GOLPH3: variants seen among roughly 807,000 people sequenced by gnomAD.
The protein encoded by GOLPH3 is golgi phosphoprotein 3.
In GOLPH3, 14 loss-of-function variants were observed where a neutral mutation model predicts 28.5. The observed-to-expected ratio is 0.49, with a 90% CI of 0.32 to 0.77. The LOEUF (loss-of-function observed/expected upper bound fraction) is 0.77. GOLPH3 is among the 30% of genes least tolerant of loss of function. GOLPH3 has a pLI of 0.03. For missense variants in GOLPH3, 350 were observed against 393.7 expected (o/e 0.89, Z 0.94); for synonymous variants, 158 against 159.2 (o/e 0.99, Z 0.06).
chr5:32,167,176 T>A (rs1746734019), intron 1 of GOLPH3, among the ~76,000 whole-genome samples: 1 of 152,200 alleles, frequency 6.6e-6, no homozygotes, highest in Admixed American at 6.5e-5. Flanking sequence ...TCTTTTGTTT[T>A]GTTTTGTCTT....
At position 32,143,818 on chromosome 5, in the gene GOLPH3, T is replaced by C. The variant is rs1410940094; in HGVS notation, c.288A>G (p.Glu96=). ...SSGLRGCMLI[E]LALRGRLQLE... is the part of the protein sequence containing the mutation. ...GTTGTAACCTTCCTCTCAATGCTAA[T>C]TCAATTAACATACAGCCACGTAATC... The change falls in exon 2 of 4, where the codon GAA becomes GAG. Residue 96 remains glutamate (E), a synonymous_variant. Transcript: ENST00000265070. The C allele has an allele frequency of 3.1e-6, 5 of 1,603,770 alleles. 1 individual carries two copies. Among genetic ancestry groups the C allele is most frequent in the Non-Finnish European group, 4.3e-6 (5 of 1,175,716 alleles).
At chr5:32,135,182 T>C (rs1327585291) in intron 3 of GOLPH3, among the ~76,000 whole-genome samples, 2 of 152,240 alleles carry the variant, frequency 1.3e-5, no homozygotes, top group East Asian at 1.9e-4. Flanking sequence ...TCCATCTGCC[T>C]GGCTGCCAGA....
At chr5:32,142,781 G>C (rs1407935244) in intron 2 of GOLPH3, among the ~76,000 whole-genome samples, 3 of 149,136 alleles carry the variant, frequency 2.0e-5, no homozygotes, top group African/African-American at 7.5e-5. Context: ...ACTGGGAAGT[G>C]AGGAGCCCCT....
chr5:32,167,369 A>T (rs1431205713), intron 1 of GOLPH3, among the ~76,000 whole-genome samples: 3 of 152,062 alleles, frequency 2.0e-5, no homozygotes. Context: ...ACAGGGGTTC[A>T]CCATGTTGGC....
At chr5:32,154,078 A>G (rs1463951052) in intron 1 of GOLPH3, among the ~76,000 whole-genome samples, 1 of 152,244 alleles carries the variant, frequency 6.6e-6, no homozygotes, top group Non-Finnish European at 1.5e-5. Flanking sequence ...GCTAAAAGTG[A>G]GACAATTTAA....
chr5:32,151,374 A>G (rs1746302948), intron 1 of GOLPH3, among the ~76,000 whole-genome samples: 1 of 152,322 alleles, frequency 6.6e-6, no homozygotes, highest in Non-Finnish European at 1.5e-5. Context: ...AAATGTTTTA[A>G]AATTAGCTGG....
intron 2 of GOLPH3, among the ~76,000 whole-genome samples, chr5:32,138,592 A>T (rs1026285143): frequency 6.6e-6 from 1 of 152,216 alleles, no homozygotes; most frequent in African/African-American, 2.4e-5. Flanking sequence ...ATTAATTTTA[A>T]TATTTTGATT....
chr5:32,128,380 A>C (rs1206186314), intron 3 of GOLPH3, among the ~76,000 whole-genome samples: 2 of 152,220 alleles, frequency 1.3e-5, no homozygotes, highest in Non-Finnish European at 2.9e-5. Flanking sequence ...AAAAGCGGCC[A>C]GGCGCGGTGG....
chr5:32,170,278 C>T (rs1746802661), intron 1 of GOLPH3, among the ~76,000 whole-genome samples: 1 of 152,078 alleles, frequency 6.6e-6, no homozygotes. Context: ...AGTGGTTACC[C>T]CTGAGGAATG....
intron 3 of GOLPH3, among the ~76,000 whole-genome samples, chr5:32,127,014 TA>T (rs375663468): frequency 1.2e-4 from 17 of 147,290 alleles, no homozygotes; most frequent in Admixed American, 6.8e-5. Flanking sequence ...ACTAATAGAC[TA>T]AAAAAAAAAG....
chr5:32,139,156 C>T (rs1350654189), intron 2 of GOLPH3, among the ~76,000 whole-genome samples: 1 of 152,128 alleles, frequency 6.6e-6, no homozygotes, highest in Non-Finnish European at 1.5e-5. Flanking sequence ...GTCGGCCTTC[C>T]ATATCTATAG....
chr5:32,136,483 A>G (rs995702892), intron 2 of GOLPH3, among the ~76,000 whole-genome samples: 41 of 146,340 alleles, frequency 2.8e-4, no homozygotes, highest in African/African-American at 8.7e-4. Context: ...CTCCGACTTA[A>G]AAAAAAAAAA....
intron 1 of GOLPH3, among the ~76,000 whole-genome samples, chr5:32,148,397 T>C (rs987086308): frequency 6.6e-6 from 1 of 152,266 alleles, no homozygotes; most frequent in African/African-American, 2.4e-5. Flanking sequence ...AGTTTCATTT[T>C]GTTTTTATGT....
At chr5:32,132,672 T>A (rs1458556638) in intron 3 of GOLPH3, among the ~76,000 whole-genome samples, 1 of 152,156 alleles carries the variant, frequency 6.6e-6, no homozygotes, top group African/African-American at 2.4e-5. Context: ...ACATATTATA[T>A]TGAAGCAACA....
chr5:32,135,825 T>A (rs1468682690), intron 2 of GOLPH3, 139 bp from the exon 3 acceptor site: 2 of 603,720 alleles, frequency 3.3e-6, no homozygotes, highest in African/African-American at 3.7e-5. Context: ...AAAGTTCAGA[T>A]TTTAAATTAC....
intron 1 of GOLPH3, among the ~76,000 whole-genome samples, chr5:32,155,827 C>G (rs1364629464): frequency 6.6e-6 from 1 of 151,476 alleles, no homozygotes; most frequent in Non-Finnish European, 1.5e-5. Flanking sequence ...CATGGTGGCG[C>G]ATGCCTGTAA....
chr5:32,145,697 C>G (rs1561668675), intron 1 of GOLPH3, among the ~76,000 whole-genome samples: 1 of 152,292 alleles, frequency 6.6e-6, no homozygotes, highest in East Asian at 1.9e-4. Context: ...TCAATTGCTC[C>G]TAGAGTAATG....
At chr5:32,160,198 A>G (rs899253899) in intron 1 of GOLPH3, among the ~76,000 whole-genome samples, 7 of 151,916 alleles carry the variant, frequency 4.6e-5, no homozygotes, top group East Asian at 3.9e-4. Context: ...GACTCTGGGG[A>G]AAAAAAAATT....
chr5:32,171,215 A>C (rs1746827666), intron 1 of GOLPH3, among the ~76,000 whole-genome samples: 1 of 152,202 alleles, frequency 6.6e-6, no homozygotes, highest in Non-Finnish European at 1.5e-5. Flanking sequence ...TCCCTGGGCC[A>C]CACTGGAAGA....
Sources: allele counts gnomAD v4.1 joint callset (sites outside exome capture counted in the v4.1 genomes callset), GRCh38; gene constraint gnomAD v4.1.1; transcripts MANE v1.5; gene names NCBI Gene and HGNC (gene_info 2026-07-23, HGNC 2026-07-21).